Variants in SPAG16 observed in about 807,000 individuals in gnomAD.
SPAG16 encodes the protein sperm-associated antigen 16 protein.
SPAG16 carries 86 observed loss-of-function variants against 80.4 expected under a neutral mutation model. The ratio of observed to expected loss-of-function variants is 1.07; its 90% CI spans 0.90 to 1.28. The LOEUF (loss-of-function observed/expected upper bound fraction) is 1.28. Among genes scored for constraint, SPAG16 ranks in the 50% most tolerant of loss-of-function variants. The probability of loss-of-function intolerance (pLI) is 0.00; values close to 1 mark genes in which losing one functional copy is unlikely to be tolerated. For missense variants in SPAG16, 870 were observed against 765.3 expected (o/e 1.14, Z -1.61); for synonymous variants, 294 against 265.9 (o/e 1.11, Z -1.03).
chr2:214,171,748 T>C (rs1188159693), intron 15 of SPAG16, among the ~76,000 whole-genome samples: 1 of 151,958 alleles, frequency 6.6e-6, no homozygotes, highest in African/African-American at 2.4e-5. Context: ...GAATAAGGCT[T>C]GAAGATGCTG....
intron 10 of SPAG16, among the ~76,000 whole-genome samples, chr2:213,537,858 T>C (rs2076303917): frequency 6.6e-6 from 1 of 152,166 alleles, no homozygotes. Flanking sequence ...GACACCTGCT[T>C]CCTGATGTTA....
intron 15 of SPAG16, among the ~76,000 whole-genome samples, chr2:214,168,776 T>C (rs773055668): frequency 6.6e-6 from 1 of 152,068 alleles, no homozygotes; most frequent in Non-Finnish European, 1.5e-5. Flanking sequence ...AAGATAACGC[T>C]GAATCGATTA....
intron 10 of SPAG16, among the ~76,000 whole-genome samples, chr2:213,829,991 C>T (rs1274949076): frequency 6.6e-6 from 1 of 152,110 alleles, no homozygotes; most frequent in Non-Finnish European, 1.5e-5. Flanking sequence ...GGCACAAGGA[C>T]TCTCTTAGCC....
intron 15 of SPAG16, among the ~76,000 whole-genome samples, chr2:214,235,233 T>A (rs552017394): frequency 1.3e-5 from 2 of 152,258 alleles, no homozygotes; most frequent in African/African-American, 4.8e-5. Flanking sequence ...AAAGCAAATT[T>A]ATACACCTGA....
At chr2:214,282,962 G>C (rs1382616583) in intron 15 of SPAG16, among the ~76,000 whole-genome samples, 1 of 152,046 alleles carries the variant, frequency 6.6e-6, no homozygotes, top group Non-Finnish European at 1.5e-5. Flanking sequence ...GATCACAGCA[G>C]GTTCAGATGA....
intron 9 of SPAG16, among the ~76,000 whole-genome samples, chr2:213,391,071 C>T (rs1019167866): frequency 6.6e-6 from 1 of 152,032 alleles, no homozygotes; most frequent in Non-Finnish European, 1.5e-5. Context: ...AGTTCAAGAC[C>T]AGCCTGACCA....
chr2:213,759,493 G>A (rs905115979), intron 10 of SPAG16, among the ~76,000 whole-genome samples: 2 of 151,672 alleles, frequency 1.3e-5, no homozygotes, highest in Non-Finnish European at 2.9e-5. Flanking sequence ...AATTGAGAGG[G>A]TGGGGGAATG....
intron 13 of SPAG16, among the ~76,000 whole-genome samples, chr2:214,075,674 G>A (rs948656996): frequency 2.0e-5 from 3 of 152,100 alleles, no homozygotes; most frequent in Non-Finnish European, 4.4e-5. Context: ...ACACAGAGGC[G>A]AAATTCCACA....
At chr2:213,576,564 G>A (rs2060133635) in intron 10 of SPAG16, among the ~76,000 whole-genome samples, 2 of 152,040 alleles carry the variant, frequency 1.3e-5, no homozygotes, top group Non-Finnish European at 2.9e-5. Context: ...CAAAGACATG[G>A]AATCAACCCA....
At chr2:213,726,059 T>A (rs1048746268) in intron 10 of SPAG16, among the ~76,000 whole-genome samples, 14 of 152,238 alleles carry the variant, frequency 9.2e-5, no homozygotes, top group Non-Finnish European at 5.9e-5. Context: ...CTACAGTGCA[T>A]GCCAGCCTAA....
chr2:214,231,405 T>C (rs148727619), intron 15 of SPAG16, among the ~76,000 whole-genome samples: 233 of 152,078 alleles, frequency 1.5e-3, no homozygotes, highest in African/African-American at 5.5e-3. Context: ...CAGAGTGAAC[T>C]GAGACAACCC....
At chr2:213,944,823 T>A (rs1358149058) in intron 12 of SPAG16, among the ~76,000 whole-genome samples, 1 of 151,962 alleles carries the variant, frequency 6.6e-6, no homozygotes, top group Admixed American at 6.6e-5. Context: ...TGAATGGGAG[T>A]TGTGCCTTTA....
intron 12 of SPAG16, among the ~76,000 whole-genome samples, chr2:213,986,394 A>G (rs1194459175): frequency 2.0e-5 from 3 of 151,998 alleles, no homozygotes; most frequent in South Asian, 2.1e-4. Context: ...TCTCTCTTAT[A>G]TATTTGTCAA....
chr2:213,587,003 G>A (rs1384386059), intron 10 of SPAG16, among the ~76,000 whole-genome samples: 2 of 152,162 alleles, frequency 1.3e-5, no homozygotes, highest in African/African-American at 4.8e-5. Flanking sequence ...TATTGTGATT[G>A]TCTGTGATGG....
intron 9 of SPAG16, among the ~76,000 whole-genome samples, chr2:213,457,232 T>C (rs1292385221): frequency 6.6e-6 from 1 of 152,216 alleles, no homozygotes; most frequent in Non-Finnish European, 1.5e-5. Flanking sequence ...TTGATGGTTA[T>C]GCTTTGCTAG....
chr2:213,325,864 C>T (rs1285269354), intron 5 of SPAG16, among the ~76,000 whole-genome samples: 2 of 151,864 alleles, frequency 1.3e-5, no homozygotes, highest in Non-Finnish European at 2.9e-5. Flanking sequence ...TCACTATACC[C>T]ACGGGGCCTA....
At chr2:213,555,181 A>G (rs2059388940) in intron 10 of SPAG16, among the ~76,000 whole-genome samples, 1 of 152,212 alleles carries the variant, frequency 6.6e-6, no homozygotes, top group South Asian at 2.1e-4. Context: ...ATGGTATGAT[A>G]TATTCAAAAT....
intron 10 of SPAG16, among the ~76,000 whole-genome samples, chr2:213,619,150 T>A (rs1365862493): frequency 6.6e-6 from 1 of 152,146 alleles, no homozygotes; most frequent in African/African-American, 2.4e-5. Context: ...AGGTATCAGA[T>A]CTGAAACTTT....
chr2:214,104,597 TTATTCCCAGG>T (rs137866011), intron 13 of SPAG16, among the ~76,000 whole-genome samples: 14,972 of 152,078 alleles, frequency 0.098, 1,001 homozygotes, highest in Non-Finnish European at 0.14. Context: ...AGAGGTATTC[TTATTCCCAGG>T]TTTTTGGTTG....
Sources: allele counts gnomAD v4.1 joint callset (sites outside exome capture counted in the v4.1 genomes callset), GRCh38; gene constraint gnomAD v4.1.1; transcripts MANE v1.5; gene names NCBI Gene and HGNC (gene_info 2026-07-23, HGNC 2026-07-21).